The following ZBTB20 variants were observed in gnomAD, a reference collection of about 807,000 sequenced individuals.
The protein encoded by ZBTB20 is zinc finger and BTB domain-containing protein 20.
A neutral mutation model predicts 56.9 loss-of-function variants in ZBTB20; 9 were observed. The ratio of observed to expected loss-of-function variants is 0.16; its 90% CI spans 0.10 to 0.28. The LOEUF is 0.28. ZBTB20 is among the 10% of genes least tolerant of loss of function. The probability of loss-of-function intolerance (pLI) is 1.00; values close to 1 mark genes in which losing one functional copy is unlikely to be tolerated. For synonymous variants in ZBTB20, 417 were observed against 420.7 expected (o/e 0.99, Z 0.11); for missense variants, 655 against 1,003.0 (o/e 0.65, Z 4.69).
At chr3:114,621,152 G>A (rs2058292009) in intron 6 of ZBTB20, among the ~76,000 whole-genome samples, 1 of 151,940 alleles carries the variant, frequency 6.6e-6, no homozygotes, top group Non-Finnish European at 1.5e-5. Context: ...TTAATATTTT[G>A]AAGCTGTACA....
intron 8 of ZBTB20, among the ~76,000 whole-genome samples, chr3:114,385,209 A>G (rs1220774632): frequency 6.6e-6 from 1 of 151,974 alleles, no homozygotes; most frequent in Non-Finnish European, 1.5e-5. Context: ...GCCTCCCCCA[A>G]TCTTACTGGA....
At chr3:114,753,142 C>A (rs555932125) in intron 5 of ZBTB20, among the ~76,000 whole-genome samples, 1 of 151,314 alleles carries the variant, frequency 6.6e-6, no homozygotes, top group South Asian at 2.1e-4. Context: ...CATACATACA[C>A]ATTATGAAAT....
chr3:114,570,961 G>A (rs890721874), intron 6 of ZBTB20, among the ~76,000 whole-genome samples: 4 of 152,054 alleles, frequency 2.6e-5, no homozygotes, highest in South Asian at 4.1e-4. Context: ...TTGTTCTACT[G>A]CATATTACTC....
chr3:114,523,745 C>T (rs1455835865), intron 6 of ZBTB20, among the ~76,000 whole-genome samples: 1 of 152,004 alleles, frequency 6.6e-6, no homozygotes, highest in Non-Finnish European at 1.5e-5. Flanking sequence ...TTGATGGTTT[C>T]TATTTTTTCA....
At chr3:114,538,280 G>T (rs1321035868) in intron 6 of ZBTB20, among the ~76,000 whole-genome samples, 1 of 151,848 alleles carries the variant, frequency 6.6e-6, no homozygotes, top group Non-Finnish European at 1.5e-5. Flanking sequence ...CTCCCTTTTC[G>T]ACTAATCGGC....
chr3:115,013,830 G>C (rs902954272), intron 2 of ZBTB20, among the ~76,000 whole-genome samples: 4 of 151,522 alleles, frequency 2.6e-5, no homozygotes, highest in Non-Finnish European at 5.9e-5. Flanking sequence ...ATGTATATTA[G>C]TACAACCACT....
chr3:114,428,381 C>G (rs1260521785), intron 7 of ZBTB20, among the ~76,000 whole-genome samples: 1 of 152,208 alleles, frequency 6.6e-6, no homozygotes, highest in Non-Finnish European at 1.5e-5. Flanking sequence ...TCATTAATAC[C>G]AAGCACACCA....
chr3:114,710,005 G>GAAAAA (rs2063959566), intron 5 of ZBTB20, among the ~76,000 whole-genome samples: 1 of 151,958 alleles, frequency 6.6e-6, no homozygotes, highest in African/African-American at 2.4e-5. Context: ...ACCTTCCTAT[G>GAAAAA]AATTCACATT....
intron 5 of ZBTB20, among the ~76,000 whole-genome samples, chr3:114,753,486 G>A (rs1050815332): frequency 8.2e-6 from 1 of 121,494 alleles, no homozygotes; most frequent in African/African-American, 2.9e-5. Context: ...CCAGGCTGGA[G>A]TGCAATGGAG....
chr3:115,069,503 T>G (rs1024267588), intron 2 of ZBTB20, among the ~76,000 whole-genome samples: 1 of 152,106 alleles, frequency 6.6e-6, no homozygotes, highest in African/African-American at 2.4e-5. Context: ...CACATAGCGC[T>G]TTTACTTATG....
chr3:115,093,320 T>A (rs1409239955), intron 1 of ZBTB20, among the ~76,000 whole-genome samples: 1 of 152,180 alleles, frequency 6.6e-6, no homozygotes, highest in Non-Finnish European at 1.5e-5. Flanking sequence ...CCGTACCACA[T>A]CTTCATATCC....
chr3:115,014,249 T>A (rs1322595139), intron 2 of ZBTB20, among the ~76,000 whole-genome samples: 2 of 151,630 alleles, frequency 1.3e-5, no homozygotes, highest in Non-Finnish European at 3.0e-5. Flanking sequence ...AGGATGGCTA[T>A]CAGAGGTTGG....
intron 5 of ZBTB20, among the ~76,000 whole-genome samples, chr3:114,773,057 C>T (rs1323464808): frequency 3.3e-5 from 5 of 152,152 alleles, no homozygotes; most frequent in Non-Finnish European, 7.4e-5. Context: ...GGACAGCACA[C>T]ATGCAAGGAT....
chr3:114,768,666 C>T (rs1039824512), intron 5 of ZBTB20, among the ~76,000 whole-genome samples: 1 of 152,098 alleles, frequency 6.6e-6, no homozygotes. Flanking sequence ...AATAATGTTT[C>T]GCATAGTAAT....
intron 6 of ZBTB20, among the ~76,000 whole-genome samples, chr3:114,535,562 A>T (rs1457631055): frequency 6.6e-6 from 1 of 152,232 alleles, no homozygotes; most frequent in African/African-American, 2.4e-5. Flanking sequence ...TATCAGAGAT[A>T]CAAAGAGGAG....
intron 5 of ZBTB20, among the ~76,000 whole-genome samples, chr3:114,694,889 A>C (rs1220707836): frequency 2.6e-5 from 4 of 152,106 alleles, no homozygotes; most frequent in Admixed American, 2.6e-4. Context: ...CCTTTCTCAT[A>C]AAATGAAGTG....
At chr3:114,851,044 A>G (rs927558309) in intron 4 of ZBTB20, among the ~76,000 whole-genome samples, 9 of 152,306 alleles carry the variant, frequency 5.9e-5, no homozygotes, top group Non-Finnish European at 1.0e-4. Context: ...TGTCTACCCA[A>G]ACTCTCTTAG....
At chr3:114,977,416 T>C (rs1241655386) in intron 2 of ZBTB20, among the ~76,000 whole-genome samples, 5 of 152,168 alleles carry the variant, frequency 3.3e-5, no homozygotes, top group African/African-American at 1.2e-4. Context: ...TTGAGTCCTA[T>C]AGCAAAGAAG....
intron 1 of ZBTB20, among the ~76,000 whole-genome samples, chr3:115,073,479 A>G (rs2082485443): frequency 6.6e-6 from 1 of 152,086 alleles, no homozygotes; most frequent in South Asian, 2.1e-4. Flanking sequence ...ACCTCTCTCA[A>G]AAAGAGAAAA....
Sources: gnomAD v4.1 joint callset for allele counts (sites outside exome capture counted in the v4.1 genomes callset) on GRCh38, gnomAD v4.1.1 for gene constraint, MANE v1.5 for transcripts, NCBI Gene and HGNC (gene_info 2026-07-23, HGNC 2026-07-21) for gene names.